CACNA1G: variants seen among roughly 807,000 people sequenced by gnomAD.
The protein encoded by CACNA1G is calcium voltage-gated channel subunit alpha1 G, also known as voltage-dependent T-type calcium channel subunit alpha-1G.
CACNA1G carries 67 observed loss-of-function variants against 219.4 expected under a neutral mutation model. The observed-to-expected ratio is 0.31, with a 90% CI of 0.25 to 0.37. CACNA1G has a LOEUF of 0.37. CACNA1G is among the 10% of genes least tolerant of loss of function. CACNA1G has a pLI of 1.00. For missense variants in CACNA1G, 2,380 were observed against 3,231.4 expected (o/e 0.74, Z 6.39); for synonymous variants, 1,296 against 1,345.3 (o/e 0.96, Z 0.80).
rs201049644 is a variant in CACNA1G, at chr17:50,618,191, T to C, written c.5306-31T>C. The C allele has an allele frequency of 2.5e-6, 4 of 1,613,032 alleles. No individual in the cohort carries two copies. In the East Asian group the frequency reaches 8.9e-5, roughly 36 times the overall value. ...AGACCAGGGGGCTCCTGGACTAACA[T>C]GGGCCTCTCCCCCTTTCCCTCCTCC... On this transcript the variant is annotated intron_variant, in intron 31 of 37. Coordinates refer to ENST00000359106, the MANE Select transcript of CACNA1G (RefSeq NM_018896.5). This position sits in a 1 kb window ranked among gnomAD's most constrained non-coding sequence, Gnocchi z 5.3.
intron 1 of CACNA1G, among the ~76,000 whole-genome samples, chr17:50,567,271 T>C (rs1203849659): frequency 6.6e-6 from 1 of 151,158 alleles, no homozygotes; most frequent in Non-Finnish European, 1.5e-5. Flanking sequence ...TGTGAGGGGG[T>C]GGGGGTTAGG....
chr17:50,626,356 T>C lies in CACNA1G; in HGVS notation c.6739T>C (p.Tyr2247His), dbSNP rs1438151056. 5 of 1,612,798 alleles carry C rather than the reference T, an allele frequency of 3.1e-6. No individual in the cohort carries two copies. Among genetic ancestry groups the C allele is most frequent in the Non-Finnish European group, 4.2e-6 (5 of 1,179,752 alleles). The change falls in exon 38 of 38, where the codon TAC becomes CAC. Residue 2247 changes from tyrosine (Y) to histidine (H), a missense_variant. Around this residue, in one of 17 missense-constraint regions of CACNA1G, gnomAD observed 672 missense variants for 670.5 expected, o/e 1.00. Transcript: ENST00000359106. This position sits in a 1 kb window ranked among gnomAD's most constrained non-coding sequence, Gnocchi z 4.3. ...ATCCCCACGGGACCTGAAGAAGTGC[T>C]ACAGCGTGGAGGCCCAGAGCTGCCA... ...PPSPRDLKKC[Y>H]SVEAQSCQRR...
Position 50,617,523 on chromosome 17 carries a change from A to G in CACNA1G, c.5107A>G (p.Ile1703Val). 6.2e-7 allele frequency: 1 copy of G among 1,614,030 alleles called. No homozygotes were observed. Among genetic ancestry groups the G allele is most frequent in the East Asian group, 2.2e-5 (1 of 44,886 alleles). Residue 1703 changes from isoleucine to valine, a missense_variant, in exon 29 of 38, where the codon ATC (isoleucine) becomes GTC (valine). Coordinates refer to ENST00000359106, the MANE Select transcript of CACNA1G (RefSeq NM_018896.5). This position sits in a 1 kb window ranked among gnomAD's most constrained non-coding sequence, Gnocchi z 5.8. Reference protein sequence around the residue: ...EEIEVNASLPINPTIIRIMRV... With the variant: ...EEIEVNASLPVNPTIIRIMRV... ...AATCGAGGTCAACGCCTCGCTGCCCATCAACCCCACCATCATCCGCATCAT... is the reference window on the plus strand; with the variant it reads ...AATCGAGGTCAACGCCTCGCTGCCCGTCAACCCCACCATCATCCGCATCAT...
chr17:50,562,578 C>CT (rs1465506601), intron 1 of CACNA1G, among the ~76,000 whole-genome samples: 1 of 151,802 alleles, frequency 6.6e-6, no homozygotes, highest in Non-Finnish European at 1.5e-5. Flanking sequence ...GTGTCAAGAG[C>CT]TTTTTTAGCA....
chr17:50,597,520 A>G (rs2145694227), intron 16 of CACNA1G, among the ~76,000 whole-genome samples: 1 of 152,266 alleles, frequency 6.6e-6, no homozygotes, highest in Middle Eastern at 3.4e-3. Context: ...ACAAATACTA[A>G]TTGTGTATAT....
chr17:50,619,555 T>G (rs2051292135), intron 33 of CACNA1G, 128 bp from the exon 34 acceptor site: 1 of 773,828 alleles, frequency 1.3e-6, no homozygotes, highest in Non-Finnish European at 2.1e-6. Context: ...TGTGCATGTG[T>G]GTTGTCTGGG....
intron 2 of CACNA1G, 23 bp from the exon 3 acceptor site, chr17:50,569,142 G>A: frequency 6.2e-7 from 1 of 1,610,522 alleles, no homozygotes; most frequent in Non-Finnish European, 8.5e-7. Flanking sequence ...CTCAGTTTCA[G>A]CCACCTCTTG....
Position 50,576,161 on chromosome 17 carries a change from G to T in CACNA1G, c.1759G>T (p.Gly587Trp). The T allele has an allele frequency of 6.2e-7, 1 of 1,609,550 alleles. No homozygotes were observed. The highest frequency in any genetic ancestry group is 8.5e-7 in the Non-Finnish European group (1 of 1,178,522). Residue 587 changes from glycine to tryptophan, a missense_variant, in exon 8 of 38, where the codon GGG becomes TGG. Around this residue, in one of 17 missense-constraint regions of CACNA1G, gnomAD observed 434 missense variants for 417.3 expected, o/e 1.04. Coordinates refer to ENST00000359106, the MANE Select transcript of CACNA1G (RefSeq NM_018896.5). ...GGCATCCGGCAGGACTGTGGGCAGCGGGAAGGTGTATCCCACCGTGCACAC... is the reference window on the plus strand; with the variant it reads ...GGCATCCGGCAGGACTGTGGGCAGCTGGAAGGTGTATCCCACCGTGCACAC... ...SEASGRTVGS[G>W]KVYPTVHTSP... is the part of the protein sequence containing the mutation.
At chr17:50,624,324 T>TGCCCCCCCCCCCCCCCCCCCGGCCCCCC in intron 36 of CACNA1G, 36 bp from the exon 37 acceptor site, 2 of 1,177,660 alleles carry the variant, frequency 1.7e-6, no homozygotes, top group Non-Finnish European at 2.4e-6. Flanking sequence ...CTCCATTCTC[T>TGCCCCCCCCCCCCCCCCCCCGGCCCCCC]CCCCCCACCC....
At chr17:50,604,330 C>T in intron 22 of CACNA1G, 49 bp downstream of exon 22, 1 of 1,599,510 alleles carries the variant, frequency 6.3e-7, no homozygotes, top group Non-Finnish European at 8.5e-7. Flanking sequence ...TGAAGAGGGC[C>T]CTTCCCCTTG....
At position 50,624,361 on chromosome 17, in the gene CACNA1G, C is replaced by CTCCGTCTTG; in HGVS notation, c.6237_6245dup (p.Leu2080_Val2082dup). ...TCCCCCGCTTCCCTCCCTCCACAGG[C>CTCCGTCTTG]TCCGTCTTGTCCGTTCACTCCCAGC... On this transcript the variant is annotated inframe_insertion and splice_region_variant, in exon 37 of 38. Coordinates refer to ENST00000359106, the MANE Select transcript of CACNA1G (RefSeq NM_018896.5). 6.9e-7 allele frequency: 1 copy of CTCCGTCTTG among 1,459,424 alleles called. No homozygotes were observed. 90.4% of individuals were successfully genotyped at this position (1,459,424 alleles called of 1,614,324 possible).
rs1274534390 is a variant in CACNA1G at position 50,560,870 on chromosome 17, C to G, written c.-590C>G. Among the ~76,000 whole-genome samples the G allele has an allele frequency of 6.6e-6, 1 of 152,064 alleles. No individual in the cohort carries two copies. The highest frequency in any genetic ancestry group is 1.9e-4 in the East Asian group (1 of 5,156). On this transcript the variant is annotated 5_prime_UTR_variant, in exon 1 of 38. Coordinates refer to ENST00000359106, the MANE Select transcript of CACNA1G (RefSeq NM_018896.5). Reference sequence around the variant, plus strand: ...TCCACTCCCGCCCGGGACTGCCCCCCACTGTCTCCCCGCCCCTCCCGGACA... The same window carrying G: ...TCCACTCCCGCCCGGGACTGCCCCCGACTGTCTCCCCGCCCCTCCCGGACA...
At chr17:50,613,653 A>G (rs2049764031) in intron 26 of CACNA1G, among the ~76,000 whole-genome samples, 1 of 152,224 alleles carries the variant, frequency 6.6e-6, no homozygotes, top group Non-Finnish European at 1.5e-5. Context: ...ACCTAATTGT[A>G]TTCAAACATT....
intron 1 of CACNA1G, 92 bp downstream of exon 1, chr17:50,561,793 GTGAGTCGAAGTGAGCCC>G: frequency 9.6e-7 from 1 of 1,039,302 alleles, no homozygotes; most frequent in South Asian, 2.0e-5. Flanking sequence ...CCACCGCCAG[GTGAGTCGAAGTGAGCCC>G]GGAGGGTAGG....
Position 50,617,534 on chromosome 17 carries a change from C to A in CACNA1G, c.5118C>A (p.Thr1706=), listed in dbSNP as rs779051569. 3.7e-6 allele frequency: 6 copies of A among 1,614,074 alleles called. No individual in the cohort carries two copies. The highest frequency in any genetic ancestry group is 5.1e-6 in the Non-Finnish European group (6 of 1,179,906). The part of the protein sequence containing the change: ...EVNASLPINP[T]IIRIMRVLRI... ...ACGCCTCGCTGCCCATCAACCCCAC[C>A]ATCATCCGCATCATGAGGGTGCTGC... The change falls in exon 29 of 38, where the codon ACC becomes ACA. Residue 1706 remains threonine (T), a synonymous_variant. Coordinates refer to ENST00000359106, the MANE Select transcript of CACNA1G (RefSeq NM_018896.5). The surrounding 1 kb of genome is among the most constrained non-coding windows in gnomAD (Gnocchi z 5.8).
chr17:50,590,405 T>G, intron 9 of CACNA1G, 66 bp from the exon 10 acceptor site: 1 of 1,557,536 alleles, frequency 6.4e-7, no homozygotes, highest in Non-Finnish European at 8.8e-7. Context: ...GTGTCCCATG[T>G]TTGGAGGACT....
intron 35 of CACNA1G, among the ~76,000 whole-genome samples, chr17:50,623,622 G>A (rs975887343): frequency 3.9e-4 from 60 of 151,972 alleles, no homozygotes; most frequent in Non-Finnish European, 8.2e-4. Flanking sequence ...GAGCTTAAAG[G>A]TGATACAATG....
Position 50,575,860 on chromosome 17 carries a change from C to A in CACNA1G, c.1458C>A (p.His486Gln). 6.4e-7 allele frequency: 1 copy of A among 1,550,506 alleles called. No individual in the cohort carries two copies. Among genetic ancestry groups the A allele is most frequent in the African/African-American group, 1.4e-5 (1 of 73,274 alleles). Residue 486 changes from histidine (H) to glutamine (Q), a missense_variant, in exon 8 of 38, where the codon CAC (histidine) becomes CAA (glutamine). Around this residue, in one of 17 missense-constraint regions of CACNA1G, gnomAD observed 434 missense variants for 417.3 expected, o/e 1.04. Transcript: ENST00000359106. Reference protein sequence around the residue: ...TQPSSSCSRSHRRLSVHHLVH... With the variant: ...TQPSSSCSRSQRRLSVHHLVH... ...CCAGCAGCAGCTGCTCTCGCTCCCACCGCCGCCTATCCGTCCACCACCTGG... is the reference window on the plus strand; with the variant it reads ...CCAGCAGCAGCTGCTCTCGCTCCCAACGCCGCCTATCCGTCCACCACCTGG...
In CACNA1G at chr17:50,621,385, G is replaced by A. The variant is rs770137965; in HGVS notation, c.5926-275G>A. Among the ~76,000 whole-genome samples the A allele has an allele frequency of 6.6e-6, 1 of 152,056 alleles. No individual in the cohort carries two copies. The highest frequency in any genetic ancestry group is 6.5e-5 in the Admixed American group (1 of 15,272). On this transcript the variant is annotated intron_variant, in intron 34 of 37. Transcript: ENST00000359106. This position sits in a 1 kb window ranked among gnomAD's most constrained non-coding sequence, Gnocchi z 4.6. The stretch of plus-strand genomic sequence containing the variant: ...GGCTCCTGGGGTATCTTTAGAATGC[G>A]TTTCTGTGTCTCCTCGCTTTGTCAG...
Sources: allele counts gnomAD v4.1 joint callset (sites outside exome capture counted in the v4.1 genomes callset), GRCh38; gene constraint gnomAD v4.1.1; regional missense constraint gnomAD v4.1.1; non-coding constraint Gnocchi (gnomAD v3.1); transcripts MANE v1.5; gene names NCBI Gene and HGNC (gene_info 2026-07-23, HGNC 2026-07-21).